Variants in ITGB8 observed in about 807,000 individuals in gnomAD.
ITGB8 encodes the protein integrin beta-8.
Under a neutral mutation model 89.5 loss-of-function variants are expected in ITGB8, and 30 were observed. The ratio of observed to expected loss-of-function variants is 0.34; its 90% confidence interval spans 0.25 to 0.45. ITGB8 has a LOEUF of 0.45. ITGB8 is among the 20% of genes least tolerant of loss of function. The pLI is 1.00. For missense variants in ITGB8, 836 were observed against 933.3 expected (o/e 0.90, Z 1.36); for synonymous variants, 335 against 320.4 (o/e 1.05, Z -0.49).
At chr7:20,354,119 T>C (rs1054990008) in intron 1 of ITGB8, among the ~76,000 whole-genome samples, 2 of 152,072 alleles carry the variant, frequency 1.3e-5, no homozygotes, top group African/African-American at 4.8e-5. Flanking sequence ...AGGAATTAAA[T>C]TGTCAAATTA....
chr7:20,344,938 G>A (rs1250692360), intron 1 of ITGB8, among the ~76,000 whole-genome samples: 1 of 152,188 alleles, frequency 6.6e-6, no homozygotes, highest in Non-Finnish European at 1.5e-5. Flanking sequence ...CTGCTCTCAT[G>A]GAGCTTTCGT....
intron 9 of ITGB8, among the ~76,000 whole-genome samples, chr7:20,400,562 A>G (rs546968710): frequency 6.6e-6 from 1 of 152,204 alleles, no homozygotes; most frequent in Non-Finnish European, 1.5e-5. Flanking sequence ...TTAAATTGTA[A>G]TGGATCTCAA....
chr7:20,347,496 A>C (rs1474425635), intron 1 of ITGB8, among the ~76,000 whole-genome samples: 1 of 152,220 alleles, frequency 6.6e-6, no homozygotes, highest in East Asian at 1.9e-4. Context: ...GAAATACTAA[A>C]GACAGTAAAT....
intron 1 of ITGB8, among the ~76,000 whole-genome samples, chr7:20,351,316 G>A (rs1261055841): frequency 6.6e-6 from 1 of 152,126 alleles, no homozygotes; most frequent in African/African-American, 2.4e-5. Flanking sequence ...TACAAGAAAA[G>A]GTTCTGTCAT....
chr7:20,346,345 G>T (rs80184938), intron 1 of ITGB8, among the ~76,000 whole-genome samples: 20,852 of 152,158 alleles, frequency 0.14, 1,796 homozygotes, highest in East Asian at 0.33. Flanking sequence ...GAGGGCACAG[G>T]GGATGGGTTT....
At chr7:20,386,214 C>A (rs912366452) in intron 6 of ITGB8, among the ~76,000 whole-genome samples, 1 of 150,636 alleles carries the variant, frequency 6.6e-6, no homozygotes, top group Non-Finnish European at 1.5e-5. Context: ...GCTGAATGAT[C>A]TGCTTCAAAT....
At chr7:20,354,781 C>T (rs956392282) in intron 1 of ITGB8, among the ~76,000 whole-genome samples, 2 of 152,204 alleles carry the variant, frequency 1.3e-5, no homozygotes, top group Non-Finnish European at 2.9e-5. Flanking sequence ...CATTCAGAAA[C>T]TTCTGCTTCC....
At chr7:20,343,197 G>A (rs1784819507) in intron 1 of ITGB8, among the ~76,000 whole-genome samples, 1 of 152,212 alleles carries the variant, frequency 6.6e-6, no homozygotes, top group East Asian at 1.9e-4. Context: ...TCATGTCTCT[G>A]AACAGCTTTG....
At position 20,367,103 on chromosome 7, in the gene ITGB8, C is replaced by T. The variant is rs1785730184; in HGVS notation, c.305C>T (p.Pro102Leu). The T allele has an allele frequency of 6.2e-7, 1 of 1,609,266 alleles. No homozygotes were observed. The highest frequency in any genetic ancestry group is 8.5e-7 in the Non-Finnish European group (1 of 1,175,720). Reference sequence around the variant, plus strand: ...TGCTCAGTTGATTCAATAGAATACCCATCTGTGCATGTTATAATACCCACT... The same window carrying T: ...TGCTCAGTTGATTCAATAGAATACCTATCTGTGCATGTTATAATACCCACT... ...KGCSVDSIEYPSVHVIIPTEN... is the reference protein window; with the variant it reads ...KGCSVDSIEYLSVHVIIPTEN... Residue 102 changes from proline (P) to leucine (L), a missense_variant, in exon 3 of 14, where the codon CCA becomes CTA. Physicochemically the swap from Pro to Leu is moderately conservative, Grantham distance 98. Transcript: ENST00000222573.
chr7:20,378,570 GA>G (rs1299308176), intron 3 of ITGB8, among the ~76,000 whole-genome samples: 1 of 152,128 alleles, frequency 6.6e-6, no homozygotes, highest in Non-Finnish European at 1.5e-5. Flanking sequence ...TAACCCAAAG[GA>G]ATAAATTTAT....
At chr7:20,406,824 A>C (rs2127987046) in intron 12 of ITGB8, among the ~76,000 whole-genome samples, 1 of 152,342 alleles carries the variant, frequency 6.6e-6, no homozygotes, top group South Asian at 2.1e-4. Flanking sequence ...AGATCTTCAA[A>C]CTAAAAGTTC....
At chr7:20,373,950 C>G (rs1388341817) in intron 3 of ITGB8, among the ~76,000 whole-genome samples, 1 of 152,124 alleles carries the variant, frequency 6.6e-6, no homozygotes, top group South Asian at 2.1e-4. Context: ...TCTTTGTATT[C>G]AAACCAATCA....
chr7:20,347,874 G>A (rs1350138017), intron 1 of ITGB8, among the ~76,000 whole-genome samples: 3 of 152,188 alleles, frequency 2.0e-5, no homozygotes, highest in Non-Finnish European at 4.4e-5. Context: ...GACATAACAA[G>A]GGGAGTTGCT....
intron 1 of ITGB8, among the ~76,000 whole-genome samples, chr7:20,338,187 C>A (rs1175689725): frequency 3.9e-5 from 6 of 152,246 alleles, no homozygotes; most frequent in South Asian, 2.1e-4. Context: ...ATATATTTAT[C>A]AAGGAAGGAA....
In ITGB8 at chr7:20,409,912, T is replaced by A; in HGVS notation, c.2225T>A (p.Val742Asp). ...LILQSVCTRA[V>D]TYRREKPEEI... ...CTGCAAAGTGTTTGCACAAGAGCAGTCACCTACCGACGTGAGAAGCCTGAA... is the reference window on the plus strand; with the variant it reads ...CTGCAAAGTGTTTGCACAAGAGCAGACACCTACCGACGTGAGAAGCCTGAA... Residue 742 changes from valine (V) to aspartate (D), a missense_variant, in exon 14 of 14, where the codon GTC becomes GAC. Coordinates refer to ENST00000222573, the MANE Select transcript of ITGB8 (RefSeq NM_002214.3). 1.2e-6 allele frequency: 2 copies of A among 1,613,768 alleles called. No individual in the cohort carries two copies. Among genetic ancestry groups the A allele is most frequent in the South Asian group, 2.2e-5 (2 of 90,984 alleles).
Position 20,401,902 on chromosome 7 carries a change from A to T in ITGB8, c.1463A>T (p.Asp488Val). The T allele has an allele frequency of 6.2e-7, 1 of 1,613,900 alleles. No individual in the cohort carries two copies. The highest frequency in any genetic ancestry group is 2.2e-5 in the East Asian group (1 of 44,868). The change falls in exon 10 of 14, where the codon GAT becomes GTT. Residue 488 changes from aspartate (D) to valine (V), a missense_variant. Physicochemically the swap from Asp to Val is radical, Grantham distance 152. Coordinates refer to ENST00000222573, the MANE Select transcript of ITGB8 (RefSeq NM_002214.3). ...AAGTGTGTAGATGAAACTTTTCTAGATTCCAAGTGTTTCCAGTGTGATGAG... is the reference window on the plus strand; with the variant it reads ...AAGTGTGTAGATGAAACTTTTCTAGTTTCCAAGTGTTTCCAGTGTGATGAG... ...KGKCVDETFL[D>V]SKCFQCDENK...
At chr7:20,330,110 C>T (rs552205983), upstream of ITGB8, among the ~76,000 whole-genome samples, 1 of 152,306 alleles carries the variant, frequency 6.6e-6, no homozygotes, top group Admixed American at 6.5e-5. Flanking sequence ...CCAGAGCCAC[C>T]ACCAGACGCT....
chr7:20,394,583 T>C (rs1219157986), intron 7 of ITGB8, among the ~76,000 whole-genome samples: 1 of 152,236 alleles, frequency 6.6e-6, no homozygotes, highest in Non-Finnish European at 1.5e-5. Context: ...GTTTAAAATC[T>C]CTTGGGCTTT....
chr7:20,374,465 T>C (rs1040667808), intron 3 of ITGB8, among the ~76,000 whole-genome samples: 29 of 146,818 alleles, frequency 2.0e-4, no homozygotes, highest in African/African-American at 7.2e-4. Flanking sequence ...ATAGATTACC[T>C]TATTTAGTAG....
Sources: allele counts gnomAD v4.1 joint callset (sites outside exome capture counted in the v4.1 genomes callset), GRCh38; gene constraint gnomAD v4.1.1; transcripts MANE v1.5; gene names NCBI Gene and HGNC (gene_info 2026-07-23, HGNC 2026-07-21).